FRMD4A: variants seen among roughly 807,000 people sequenced by gnomAD.
The protein encoded by FRMD4A is FERM domain-containing protein 4A.
In FRMD4A, 29 loss-of-function variants were observed where a neutral mutation model predicts 129.1. The ratio of observed to expected loss-of-function variants is 0.22; its 90% confidence interval spans 0.17 to 0.31. The LOEUF is 0.31. Ranked by LOEUF, FRMD4A falls within the 10% of genes least tolerant of loss-of-function variation. FRMD4A has a pLI of 1.00. For missense variants in FRMD4A, 1,272 were observed against 1,375.8 expected (o/e 0.92, Z 1.19); for synonymous variants, 634 against 571.6 (o/e 1.11, Z -1.56).
At chr10:13,823,592 G>A (rs12240327) in intron 3 of FRMD4A, among the ~76,000 whole-genome samples, 3 of 152,020 alleles carry the variant, frequency 2.0e-5, no homozygotes, top group Non-Finnish European at 1.5e-5. Flanking sequence ...CCATTTTTTT[G>A]TTGTTGTTGT....
intron 12 of FRMD4A, chr10:13,727,841 C>T (rs566842290): frequency 7.2e-5 from 11 of 152,434 alleles, no homozygotes; most frequent in African/African-American, 2.2e-4. Context: ...TGTCTGATTT[C>T]AGAAGCTAAG....
chr10:13,680,631 CAGG>C (rs2084480573), intron 15 of FRMD4A, among the ~76,000 whole-genome samples: 1 of 152,006 alleles, frequency 6.6e-6, no homozygotes, highest in Non-Finnish European at 1.5e-5. Flanking sequence ...GGAGCCGAGA[CAGG>C]AGAATCGCTT....
intron 2 of FRMD4A, among the ~76,000 whole-genome samples, chr10:14,185,479 A>G (rs771762134): frequency 2.0e-5 from 3 of 152,212 alleles, no homozygotes; most frequent in African/African-American, 7.2e-5. Context: ...ACATTACAAC[A>G]TTTTGTAATT....
chr10:13,880,700 T>G (rs1237941277), intron 2 of FRMD4A, among the ~76,000 whole-genome samples: 1 of 152,082 alleles, frequency 6.6e-6, no homozygotes, highest in Non-Finnish European at 1.5e-5. Context: ...TGCCCTCTGC[T>G]TGGAATACTC....
intron 2 of FRMD4A, among the ~76,000 whole-genome samples, chr10:14,260,216 G>A (rs931089293): frequency 1.3e-5 from 2 of 152,082 alleles, no homozygotes; most frequent in African/African-American, 2.4e-5. Flanking sequence ...GCTTACAACC[G>A]CTGCATTCTC....
intron 2 of FRMD4A, among the ~76,000 whole-genome samples, chr10:14,299,665 A>G (rs940370711): frequency 1.3e-5 from 2 of 152,278 alleles, no homozygotes; most frequent in African/African-American, 4.8e-5. Context: ...GGCTCTGGCC[A>G]TAAGCACAGA....
At chr10:13,814,076 G>A (rs2093494351) in intron 3 of FRMD4A, among the ~76,000 whole-genome samples, 1 of 152,102 alleles carries the variant, frequency 6.6e-6, no homozygotes, top group Non-Finnish European at 1.5e-5. Context: ...TCCTGTGCTC[G>A]AGAATGGATT....
intron 16 of FRMD4A, among the ~76,000 whole-genome samples, chr10:13,670,859 G>A (rs1166773277): frequency 6.6e-6 from 1 of 152,112 alleles, no homozygotes; most frequent in Non-Finnish European, 1.5e-5. Flanking sequence ...TTTCCTGCCT[G>A]CCTCCTCTGT....
At chr10:14,153,878 C>G (rs1218605537) in intron 2 of FRMD4A, among the ~76,000 whole-genome samples, 1 of 152,202 alleles carries the variant, frequency 6.6e-6, no homozygotes, top group Non-Finnish European at 1.5e-5. Context: ...CCTAACTACT[C>G]AGGCACCGAT....
intron 6 of FRMD4A, among the ~76,000 whole-genome samples, chr10:13,770,151 A>T (rs994258427): frequency 1.3e-5 from 2 of 152,120 alleles, no homozygotes; most frequent in Non-Finnish European, 2.9e-5. Flanking sequence ...TCATTGCACA[A>T]CTCATCATAA....
At chr10:13,713,816 T>C (rs1227711914) in intron 12 of FRMD4A, among the ~76,000 whole-genome samples, 1 of 100,960 alleles carries the variant, frequency 9.9e-6, no homozygotes, top group African/African-American at 4.0e-5. Context: ...TACACATATA[T>C]ATAATATATA....
chr10:13,694,569 A>C (rs2086036605), intron 14 of FRMD4A, among the ~76,000 whole-genome samples: 2 of 152,228 alleles, frequency 1.3e-5, no homozygotes, highest in African/African-American at 4.8e-5. Flanking sequence ...GTGCTGTGAA[A>C]GACCTAAGAG....
At chr10:14,087,343 T>C (rs1245174815) in intron 2 of FRMD4A, among the ~76,000 whole-genome samples, 1 of 147,556 alleles carries the variant, frequency 6.8e-6, no homozygotes, top group Non-Finnish European at 1.5e-5. Flanking sequence ...AAATTATATT[T>C]ATATATTATA....
At chr10:13,670,006 T>C (rs920029535) in intron 17 of FRMD4A, among the ~76,000 whole-genome samples, 1 of 152,220 alleles carries the variant, frequency 6.6e-6, no homozygotes, top group African/African-American at 2.4e-5. Flanking sequence ...TTGCACCTGA[T>C]GCCGTGGCCT....
At chr10:13,661,823 A>C (rs990953943) in intron 19 of FRMD4A, among the ~76,000 whole-genome samples, 1 of 151,876 alleles carries the variant, frequency 6.6e-6, no homozygotes, top group African/African-American at 2.4e-5. Flanking sequence ...CAACCAACCA[A>C]CTACCATTCA....
At chr10:14,149,344 T>C (rs1048913500) in intron 2 of FRMD4A, among the ~76,000 whole-genome samples, 1 of 152,172 alleles carries the variant, frequency 6.6e-6, no homozygotes, top group Admixed American at 6.5e-5. Flanking sequence ...CTTTTATTTA[T>C]GTATTTATTT....
chr10:13,883,998 T>G (rs1454960562), intron 2 of FRMD4A, among the ~76,000 whole-genome samples: 1 of 151,990 alleles, frequency 6.6e-6, no homozygotes, highest in Non-Finnish European at 1.5e-5. Context: ...GTGCTTAAAA[T>G]TTTTTCGATG....
intron 2 of FRMD4A, among the ~76,000 whole-genome samples, chr10:14,079,912 G>A (rs1835828589): frequency 6.6e-6 from 1 of 152,204 alleles, no homozygotes; most frequent in African/African-American, 2.4e-5. Context: ...TATCCACTTG[G>A]CAAGGGGTGG....
intron 15 of FRMD4A, among the ~76,000 whole-genome samples, chr10:13,685,973 C>T (rs1020529397): frequency 1.3e-5 from 2 of 152,206 alleles, no homozygotes; most frequent in Admixed American, 6.5e-5. Context: ...AAAGGGATAA[C>T]GACTCTGTCT....
Sources: allele counts gnomAD v4.1 joint callset (sites outside exome capture counted in the v4.1 genomes callset), GRCh38; gene constraint gnomAD v4.1.1; transcripts MANE v1.5; gene names NCBI Gene and HGNC (gene_info 2026-07-23, HGNC 2026-07-21).